The following THSD4 variants were observed in gnomAD, a reference collection of about 807,000 sequenced individuals.
THSD4 encodes the protein thrombospondin type-1 domain-containing protein 4.
A neutral mutation model predicts 119.0 loss-of-function variants in THSD4; 69 were observed. The ratio of observed to expected loss-of-function variants is 0.58; its 90% CI spans 0.48 to 0.71. The LOEUF (loss-of-function observed/expected upper bound fraction) is 0.71. THSD4 is among the 30% of genes least tolerant of loss of function. The pLI, the probability that THSD4 is intolerant of heterozygous loss-of-function variation, is 0.00. For synonymous variants in THSD4, 524 were observed against 540.4 expected, an observed-to-expected ratio of 0.97 and a Z score of 0.42; for missense variants, 1,393 against 1,391.1, an observed-to-expected ratio of 1.00 and a Z score of -0.02.
intron 6 of THSD4, among the ~76,000 whole-genome samples, chr15:71,338,740 A>G (rs568851369): frequency 2.6e-5 from 4 of 152,296 alleles, no homozygotes; most frequent in Admixed American, 6.5e-5. Flanking sequence ...TCTTGCAGCA[A>G]CAGACACTTG....
intron 7 of THSD4, among the ~76,000 whole-genome samples, chr15:71,570,676 T>G (rs1203592078): frequency 6.6e-6 from 1 of 152,214 alleles, no homozygotes; most frequent in Non-Finnish European, 1.5e-5. Flanking sequence ...TATGGACATT[T>G]GGCTTTAGGA....
At chr15:71,218,190 C>G (rs1218340305) in intron 4 of THSD4, among the ~76,000 whole-genome samples, 1 of 152,164 alleles carries the variant, frequency 6.6e-6, no homozygotes, top group Non-Finnish European at 1.5e-5. Context: ...CATCGTGGCT[C>G]TAAGGACGTG....
intron 7 of THSD4, among the ~76,000 whole-genome samples, chr15:71,551,588 T>C (rs1472455393): frequency 1.3e-5 from 2 of 151,832 alleles, no homozygotes; most frequent in African/African-American, 4.8e-5. Context: ...ACGAAGAAAA[T>C]CAACAAAAGG....
intron 6 of THSD4, among the ~76,000 whole-genome samples, chr15:71,380,069 C>T (rs563306529): frequency 4.6e-5 from 7 of 152,152 alleles, no homozygotes; most frequent in African/African-American, 1.2e-4. Flanking sequence ...CTGCTGTGAC[C>T]GGCTGAGACT....
chr15:71,654,739 A>G (rs2051156044), intron 7 of THSD4, among the ~76,000 whole-genome samples: 1 of 152,214 alleles, frequency 6.6e-6, no homozygotes, highest in Admixed American at 6.5e-5. Context: ...GCTACTAATC[A>G]TTTTAATATT....
At position 71,425,975 on chromosome 15, in the gene THSD4, C is replaced by T. The variant is rs1416260063; in HGVS notation, c.1152+14152C>T. ...TTTTGGTTGCTTACTCTGAATTTCT[C>T]GAGTCCTTGCAGAGCTGATGGCAGA... On this transcript the variant is annotated intron_variant, in intron 7 of 17. Transcript: ENST00000261862. 4.6e-5 allele frequency among the ~76,000 whole-genome samples: 7 copies of T among 152,182 alleles called. No individual in the cohort carries two copies. In the East Asian group the frequency reaches 7.7e-4, roughly 17 times the overall value.
chr15:71,221,164 C>G (rs565926423), intron 4 of THSD4, among the ~76,000 whole-genome samples: 6 of 152,110 alleles, frequency 3.9e-5, no homozygotes, highest in Non-Finnish European at 8.8e-5. Flanking sequence ...GAGACTTCCC[C>G]CTCAGTTTCT....
intron 7 of THSD4, among the ~76,000 whole-genome samples, chr15:71,520,886 G>A (rs1383064724): frequency 6.6e-6 from 1 of 152,178 alleles, no homozygotes; most frequent in Non-Finnish European, 1.5e-5. Context: ...TGTTTGCTAG[G>A]TTTGGGGCAA....
At chr15:71,439,564 C>G (rs1016566544) in intron 7 of THSD4, among the ~76,000 whole-genome samples, 12 of 152,110 alleles carry the variant, frequency 7.9e-5, no homozygotes, top group African/African-American at 2.9e-4. Flanking sequence ...ACATGCACAT[C>G]TATGTTTATT....
At chr15:71,672,368 A>T (rs2051549781) in intron 8 of THSD4, among the ~76,000 whole-genome samples, 1 of 152,216 alleles carries the variant, frequency 6.6e-6, no homozygotes, top group South Asian at 2.1e-4. Context: ...GTTGTTTATC[A>T]GCTTAAGGAG....
Position 71,424,318 on chromosome 15 carries a change from TA to T in THSD4, c.1152+12496del, listed in dbSNP as rs536114142. On this transcript the variant is annotated intron_variant, in intron 7 of 17. Transcript: ENST00000261862. The stretch of plus-strand genomic sequence containing the variant: ...TAAGGACAAGAAGAATGTGATGTCC[TA>T]GGTCTACCTTGGGGAGGGTTGGGGA... Among the ~76,000 whole-genome samples the T allele has an allele frequency of 1.9e-3, 296 of 152,292 alleles. 6 individuals carry two copies. The highest frequency in any genetic ancestry group is 0.018 in the Admixed American group (277 of 15,304).
Position 71,475,366 on chromosome 15 carries a change from C to T in THSD4, c.1152+63543C>T, listed in dbSNP as rs141238316. On this transcript the variant is annotated intron_variant, in intron 7 of 17. Transcript: ENST00000261862. ...CAAATTGTTCCCCATTTTGTTGTCC[C>T]AATTTTCTATTTATAAAAATGGCTT... 5.9e-5 allele frequency among the ~76,000 whole-genome samples: 9 copies of T among 152,280 alleles called. 1 individual carries two copies. Among genetic ancestry groups the T allele is most frequent in the African/African-American group, 1.9e-4 (8 of 41,564 alleles).
chr15:71,775,615 G>A (rs888587369), intron 17 of THSD4, among the ~76,000 whole-genome samples: 1 of 152,186 alleles, frequency 6.6e-6, no homozygotes, highest in Non-Finnish European at 1.5e-5. Context: ...GGAGGCTGAG[G>A]CAGGAGAAAG....
At chr15:71,459,007 T>C (rs558583472) in intron 7 of THSD4, among the ~76,000 whole-genome samples, 1 of 152,260 alleles carries the variant, frequency 6.6e-6, no homozygotes, top group African/African-American at 2.4e-5. Context: ...CTTGACTATG[T>C]TTTATTTATA....
At chr15:71,735,446 T>TTCTCACTCTCTCTCTCTCTC in intron 10 of THSD4, among the ~76,000 whole-genome samples, 1 of 147,790 alleles carries the variant, frequency 6.8e-6, no homozygotes, top group East Asian at 2.1e-4. Context: ...CTCTCTCTCT[T>TTCTCACTCTCTCTCTCTCTC]TCTCACTCTC....
intron 6 of THSD4, among the ~76,000 whole-genome samples, chr15:71,257,891 CAT>C (rs796350145): frequency 2.0e-4 from 30 of 152,108 alleles, no homozygotes; most frequent in African/African-American, 6.3e-4. Context: ...ACAGAGGAAA[CAT>C]AGAGCTAGCT....
At position 71,765,136 on chromosome 15, in the gene THSD4, C is replaced by G. The variant is rs1412008601; in HGVS notation, c.2706C>G (p.Pro902=). Residue 902 remains proline (P), a synonymous_variant, in exon 16 of 18, where the codon CCC becomes CCG. Transcript: ENST00000261862. ...PSECSFLEKP[P]SQQSCHLKPC... ...AATGTTCTTTCCTGGAGAAACCCCC[C>G]AGCCAGCAATCCTGCCACCTCAAGC... is the stretch of plus-strand genomic sequence containing the variant. 11 of 1,614,094 alleles carry G rather than the reference C, an allele frequency of 6.8e-6. No individual in the cohort carries two copies. Among genetic ancestry groups the G allele is most frequent in the Non-Finnish European group, 9.3e-6 (11 of 1,180,040 alleles).
chr15:71,156,581 AG>A (rs2040779943), intron 3 of THSD4, among the ~76,000 whole-genome samples: 1 of 152,174 alleles, frequency 6.6e-6, no homozygotes, highest in South Asian at 2.1e-4. Flanking sequence ...GGGTTTTCAT[AG>A]GGGAAATTCA....
intron 6 of THSD4, among the ~76,000 whole-genome samples, chr15:71,399,209 G>A (rs1334412711): frequency 6.6e-6 from 1 of 152,106 alleles, no homozygotes; most frequent in East Asian, 1.9e-4. Context: ...CCAACCATGT[G>A]GTTGTGACCA....
Sources: allele counts gnomAD v4.1 joint callset (sites outside exome capture counted in the v4.1 genomes callset), GRCh38; gene constraint gnomAD v4.1.1; transcripts MANE v1.5; gene names NCBI Gene and HGNC (gene_info 2026-07-23, HGNC 2026-07-21).